The following ZFHX3 variants were observed in gnomAD, a reference collection of about 807,000 sequenced individuals.
ZFHX3 encodes the protein zinc finger homeobox 3, also known as zinc finger homeobox protein 3.
Under a neutral mutation model 279.1 loss-of-function variants are expected in ZFHX3, and 42 were observed. The observed-to-expected ratio is 0.15, with a 90% CI of 0.12 to 0.19. The LOEUF (loss-of-function observed/expected upper bound fraction) is 0.19. Among genes scored for constraint, ZFHX3 ranks in the 10% least tolerant of loss-of-function variants. ZFHX3 has a pLI of 1.00. For synonymous variants in ZFHX3, 2,293 were observed against 1,957.8 expected (o/e 1.17, Z -4.52); for missense variants, 4,981 against 4,754.0 (o/e 1.05, Z -1.40).
intron 1 of ZFHX3, among the ~76,000 whole-genome samples, chr16:73,027,171 A>G (rs189404671): frequency 8.5e-5 from 13 of 152,350 alleles, no homozygotes; most frequent in Admixed American, 7.8e-4. Context: ...ACAAATGTAA[A>G]AGCCATTCTT....
chr16:73,161,017 G>A (rs1035624232), intron 5 of ZFHX3, among the ~76,000 whole-genome samples: 4 of 152,052 alleles, frequency 2.6e-5, no homozygotes, highest in African/African-American at 9.7e-5. Context: ...CTGTCACCCA[G>A]GCTGGAGTGC....
intron 2 of ZFHX3, among the ~76,000 whole-genome samples, chr16:73,649,180 A>G (rs530591106): frequency 3.7e-4 from 56 of 152,338 alleles, no homozygotes; most frequent in Non-Finnish European, 3.8e-4. Context: ...GATGTTCCAT[A>G]GGCAAGTAAT....
chr16:73,393,483 CAAAAT>C (rs1331952468), intron 3 of ZFHX3, among the ~76,000 whole-genome samples: 11 of 152,120 alleles, frequency 7.2e-5, no homozygotes, highest in Non-Finnish European at 1.5e-4. Flanking sequence ...CCTTTGAGAT[CAAAAT>C]TATGAACTCA....
chr16:73,583,302 C>T (rs2051880719), intron 2 of ZFHX3, among the ~76,000 whole-genome samples: 2 of 151,988 alleles, frequency 1.3e-5, no homozygotes, highest in African/African-American at 4.8e-5. Context: ...TTTTTAAAAT[C>T]CACAACTAAT....
intron 4 of ZFHX3, among the ~76,000 whole-genome samples, chr16:72,849,429 C>T (rs80212509): frequency 1.1e-3 from 173 of 152,268 alleles, no homozygotes; most frequent in African/African-American, 4.0e-3. Flanking sequence ...AATGTGCTTA[C>T]GTTTGGAATA....
intron 3 of ZFHX3, among the ~76,000 whole-genome samples, chr16:72,890,220 C>T (rs1490730436): frequency 6.6e-6 from 1 of 152,146 alleles, no homozygotes; most frequent in Non-Finnish European, 1.5e-5. Context: ...GGTGGTTCCC[C>T]CATGCTGTTC....
intron 2 of ZFHX3, among the ~76,000 whole-genome samples, chr16:73,656,329 A>G (rs2052720846): frequency 6.6e-6 from 1 of 152,256 alleles, no homozygotes; most frequent in Admixed American, 6.5e-5. Context: ...CCCCCAAAAA[A>G]GTAACCAAGA....
chr16:73,143,027 T>C (rs1008369847), intron 6 of ZFHX3, among the ~76,000 whole-genome samples: 5 of 152,170 alleles, frequency 3.3e-5, no homozygotes, highest in Non-Finnish European at 5.9e-5. Context: ...TAGAACCATA[T>C]TGCCATTTCC....
chr16:73,114,207 A>T (rs1209717471), intron 7 of ZFHX3, among the ~76,000 whole-genome samples: 1 of 151,650 alleles, frequency 6.6e-6, no homozygotes, highest in Non-Finnish European at 1.5e-5. Context: ...TTCAGGCATG[A>T]GCCACCGTGT....
rs569902372 is a variant in ZFHX3, at chr16:73,105,336, CGT to C, written c.-896-11740_-896-11739del. ...ATACACACACATACACACACACACA[CGT>C]GTGTATATATATATACACATATATA... On this transcript the variant is annotated intron_variant, in intron 7 of 17. Coordinates refer to the ZFHX3 transcript ENST00000641206. Among the ~76,000 whole-genome samples the C allele has an allele frequency of 3.9e-3, 456 of 115,488 alleles. 6 individuals carry two copies. Among genetic ancestry groups the C allele is most frequent in the South Asian group, 1.7e-3 (6 of 3,508 alleles). 75.8% of individuals were successfully genotyped at this position (115,488 alleles called of 152,430 possible).
intron 2 of ZFHX3, among the ~76,000 whole-genome samples, chr16:73,617,010 G>A (rs1309575542): frequency 6.6e-6 from 1 of 152,160 alleles, no homozygotes; most frequent in East Asian, 1.9e-4. Flanking sequence ...AAGAAGCCAA[G>A]CACTCGGCCA....
chr16:73,691,442 G>A (rs1335399167), intron 1 of ZFHX3, among the ~76,000 whole-genome samples: 1 of 152,224 alleles, frequency 6.6e-6, no homozygotes, highest in Non-Finnish European at 1.5e-5. Context: ...GGAACAGAAG[G>A]TGGGACCATC....
At chr16:73,248,183 C>CTGTGTATATAATGTGTCTG (rs1283239429) in intron 5 of ZFHX3, among the ~76,000 whole-genome samples, 9 of 147,992 alleles carry the variant, frequency 6.1e-5, no homozygotes, top group African/African-American at 2.3e-4. Flanking sequence ...TGTGTGCGTA[C>CTGTGTATATAATGTGTCTG]TGTGTATATA....
intron 1 of ZFHX3, among the ~76,000 whole-genome samples, chr16:73,687,671 G>C (rs1284833283): frequency 6.6e-6 from 1 of 151,580 alleles, no homozygotes; most frequent in Non-Finnish European, 1.5e-5. Flanking sequence ...GTGAAACCCC[G>C]TCTCTGCTAA....
intron 1 of ZFHX3, among the ~76,000 whole-genome samples, chr16:73,774,042 C>G (rs149192930): frequency 4.9e-4 from 75 of 152,134 alleles, no homozygotes; most frequent in Middle Eastern, 3.4e-3. Context: ...GGAGCTTAGG[C>G]AGGAGGACTG....
intron 3 of ZFHX3, among the ~76,000 whole-genome samples, chr16:73,440,090 C>T (rs1055485544): frequency 5.3e-5 from 8 of 152,072 alleles, no homozygotes; most frequent in Non-Finnish European, 1.0e-4. Flanking sequence ...AAACAGTACA[C>T]AATTTGGAGG....
chr16:73,011,268 A>G (rs1007545802), intron 1 of ZFHX3, among the ~76,000 whole-genome samples: 2 of 151,324 alleles, frequency 1.3e-5, no homozygotes, highest in African/African-American at 4.9e-5. Context: ...ACAGACCTGA[A>G]CCACTTCACC....
At chr16:73,221,924 A>G (rs1291182508) in intron 5 of ZFHX3, among the ~76,000 whole-genome samples, 2 of 152,176 alleles carry the variant, frequency 1.3e-5, no homozygotes, top group Non-Finnish European at 2.9e-5. Flanking sequence ...GTATTATTGT[A>G]CAGACATACC....
intron 1 of ZFHX3, among the ~76,000 whole-genome samples, chr16:73,001,002 T>C (rs750435098): frequency 6.6e-6 from 1 of 152,232 alleles, no homozygotes; most frequent in African/African-American, 2.4e-5. Context: ...CCCGTGGCAT[T>C]CACACCCTTG....
Sources: allele counts gnomAD v4.1 joint callset (sites outside exome capture counted in the v4.1 genomes callset), GRCh38; gene constraint gnomAD v4.1.1; transcripts MANE v1.5; gene names NCBI Gene and HGNC (gene_info 2026-07-23, HGNC 2026-07-21).